Variants in UBAP2 observed in about 807,000 individuals in gnomAD.
UBAP2 encodes the protein ubiquitin associated protein 2, also known as ubiquitin-associated protein 2.
In UBAP2, 75 loss-of-function variants were observed where a neutral mutation model predicts 139.6. The ratio of observed to expected loss-of-function variants is 0.54; its 90% CI spans 0.45 to 0.65. UBAP2 has a LOEUF of 0.65. Among genes scored for constraint, UBAP2 ranks in the 30% least tolerant of loss-of-function variants. The probability of loss-of-function intolerance (pLI) is 0.00; values close to 1 mark genes in which losing one functional copy is unlikely to be tolerated. For missense variants in UBAP2, 1,368 were observed against 1,369.6 expected, an observed-to-expected ratio of 1.00 and a Z score of 0.02; for synonymous variants, 526 against 526.2, an observed-to-expected ratio of 1.00 and a Z score of 0.01.
At chr9:33,956,236 C>G (rs1010706337) in intron 10 of UBAP2, 90 bp from the exon 11 acceptor site, 3 of 844,184 alleles carry the variant, frequency 3.6e-6, no homozygotes, top group Non-Finnish European at 5.8e-6. Context: ...CATCAGTAGT[C>G]TCTTACACTT....
At chr9:33,946,145 CT>C (rs1825636494) in intron 13 of UBAP2, among the ~76,000 whole-genome samples, 1 of 152,182 alleles carries the variant, frequency 6.6e-6, no homozygotes, top group South Asian at 2.1e-4. Flanking sequence ...ATTTCATATA[CT>C]TAAGTGTTCT....
chr9:34,016,370 C>CGGCGGCGGCGGCGGTGGT lies in UBAP2; in HGVS notation c.99+679_99+680insACCACCGCCGCCGCCGCC, dbSNP rs1321174650. Among the ~76,000 whole-genome samples the CGGCGGCGGCGGCGGTGGT allele has an allele frequency of 5.3e-5, 5 of 93,690 alleles. 1 individual carries two copies. Among genetic ancestry groups the CGGCGGCGGCGGCGGTGGT allele is most frequent in the African/African-American group, 2.4e-4 (5 of 20,494 alleles). The allele number at this position is 93,690 out of a possible 152,430, so 61.5% of individuals were successfully genotyped here. On this transcript the variant is annotated intron_variant, in intron 2 of 28. Coordinates refer to ENST00000379238, the MANE Select transcript of UBAP2 (RefSeq NM_001370062.2). ...GAGGAGGCAGCAGCGGCGGCAGCGG[C>CGGCGGCGGCGGCGGTGGT]GGTGGTGGTGGTGGTGGTGGTGGTG...
chr9:34,011,858 G>T (rs1264513225), intron 2 of UBAP2, among the ~76,000 whole-genome samples: 1 of 152,008 alleles, frequency 6.6e-6, no homozygotes, highest in African/African-American at 2.4e-5. Context: ...GGCTTATTAC[G>T]AACTAAGCTG....
At chr9:34,008,530 G>A (rs953149836) in intron 2 of UBAP2, among the ~76,000 whole-genome samples, 1 of 151,574 alleles carries the variant, frequency 6.6e-6, no homozygotes, top group African/African-American at 2.4e-5. Flanking sequence ...GATCACCTGA[G>A]GTCAGGAGTT....
At chr9:33,979,423 A>G (rs889850070) in intron 6 of UBAP2, among the ~76,000 whole-genome samples, 22 of 152,146 alleles carry the variant, frequency 1.4e-4, no homozygotes, top group African/African-American at 5.1e-4. Context: ...TGAAAATACA[A>G]AATTAGCTGG....
chr9:33,948,829 C>T, intron 12 of UBAP2: 1 of 429,752 alleles, frequency 2.3e-6, no homozygotes. Context: ...AAATATTTGC[C>T]ATGAATTTGA....
intron 17 of UBAP2, among the ~76,000 whole-genome samples, chr9:33,935,002 T>C (rs755584293): frequency 6.6e-6 from 1 of 152,136 alleles, no homozygotes; most frequent in Non-Finnish European, 1.5e-5. Flanking sequence ...TCCCAGGAAA[T>C]CCTATTTAAA....
At chr9:34,041,475 A>AC (rs1283600732) in intron 1 of UBAP2, among the ~76,000 whole-genome samples, 4 of 150,806 alleles carry the variant, frequency 2.7e-5, no homozygotes, top group Admixed American at 6.6e-5. Flanking sequence ...AAAAAAAAAA[A>AC]AAAAAACAAA....
intron 9 of UBAP2, among the ~76,000 whole-genome samples, chr9:33,962,213 A>ATTT (rs1364359614): frequency 2.0e-5 from 3 of 152,220 alleles, no homozygotes; most frequent in Non-Finnish European, 4.4e-5. Context: ...CTAAAGCTTA[A>ATTT]AATATACATT....
chr9:34,001,953 A>G (rs1822741641), intron 2 of UBAP2, among the ~76,000 whole-genome samples: 1 of 151,476 alleles, frequency 6.6e-6, no homozygotes, highest in Non-Finnish European at 1.5e-5. Context: ...TTTGGTATTT[A>G]TATTTTTTCA....
At chr9:33,977,449 T>C (rs180955002) in intron 6 of UBAP2, among the ~76,000 whole-genome samples, 201 of 152,294 alleles carry the variant, frequency 1.3e-3, no homozygotes, top group African/African-American at 4.5e-3. Context: ...CTAGTAACAT[T>C]GGTTTCTGTG....
chr9:33,981,688 G>A (rs946629681), intron 6 of UBAP2, among the ~76,000 whole-genome samples: 1 of 151,726 alleles, frequency 6.6e-6, no homozygotes, highest in African/African-American at 2.4e-5. Flanking sequence ...ATATAGAACT[G>A]CTTGAGTTCA....
chr9:33,942,590 C>T (rs886232554), intron 15 of UBAP2, among the ~76,000 whole-genome samples: 4 of 151,566 alleles, frequency 2.6e-5, no homozygotes, highest in Admixed American at 1.3e-4. Flanking sequence ...ATTAGCTGGG[C>T]ATGGTGGTGC....
At chr9:34,019,876 G>A (rs1233379874) in intron 1 of UBAP2, among the ~76,000 whole-genome samples, 2 of 151,816 alleles carry the variant, frequency 1.3e-5, no homozygotes, top group Non-Finnish European at 2.9e-5. Context: ...AAAAACAAAT[G>A]TGCAGCCGGT....
At chr9:33,940,436 A>AGCT (rs1825106242) in intron 16 of UBAP2, among the ~76,000 whole-genome samples, 12 of 152,344 alleles carry the variant, frequency 7.9e-5, no homozygotes, top group Admixed American at 4.6e-4. Flanking sequence ...TGTTGAGCTG[A>AGCT]AATCCTAAGC....
intron 16 of UBAP2, among the ~76,000 whole-genome samples, chr9:33,937,247 G>A (rs138591305): frequency 6.6e-6 from 1 of 152,034 alleles, no homozygotes; most frequent in East Asian, 1.9e-4. Context: ...TCTGACAAAG[G>A]TTCAATTTAA....
chr9:34,002,441 G>A (rs963613898), intron 2 of UBAP2, among the ~76,000 whole-genome samples: 8 of 144,330 alleles, frequency 5.5e-5, no homozygotes, highest in Admixed American at 4.3e-4. Context: ...TGCATGGCGC[G>A]ATATCGGCTC....
chr9:34,020,365 GGCTGGAGT>G (rs1336836936), intron 1 of UBAP2, among the ~76,000 whole-genome samples: 5 of 151,454 alleles, frequency 3.3e-5, no homozygotes, highest in African/African-American at 7.3e-5. Flanking sequence ...CCATCACCCA[GGCTGGAGT>G]GCAACGAATA....
At chr9:34,043,369 G>A (rs1006017148) in intron 1 of UBAP2, among the ~76,000 whole-genome samples, 7 of 152,158 alleles carry the variant, frequency 4.6e-5, no homozygotes, top group East Asian at 3.9e-4. Flanking sequence ...GTTTTGCCAC[G>A]TTGTCTAAGC....
Sources: gnomAD v4.1 joint callset for allele counts (sites outside exome capture counted in the v4.1 genomes callset) on GRCh38, gnomAD v4.1.1 for gene constraint, MANE v1.5 for transcripts, NCBI Gene and HGNC (gene_info 2026-07-23, HGNC 2026-07-21) for gene names.